Variants in RGS6 observed in about 807,000 individuals in gnomAD.
RGS6 encodes regulator of G protein signaling 6, also known as regulator of G-protein signaling 6.
RGS6 carries 30 observed loss-of-function variants against 78.5 expected under a neutral mutation model. The ratio of observed to expected loss-of-function variants is 0.38; its 90% CI spans 0.29 to 0.52. RGS6 has a LOEUF of 0.52. RGS6 is among the 20% of genes least tolerant of loss of function. The probability of loss-of-function intolerance (pLI) is 0.85; values close to 1 mark genes in which losing one functional copy is unlikely to be tolerated. For synonymous variants in RGS6, 206 were observed against 206.0 expected, an observed-to-expected ratio of 1.00 and a Z score of 0.00; for missense variants, 495 against 609.7, an observed-to-expected ratio of 0.81 and a Z score of 1.98.
intron 2 of RGS6, among the ~76,000 whole-genome samples, chr14:72,002,663 A>G (rs545348943): frequency 6.6e-6 from 1 of 152,038 alleles, no homozygotes; most frequent in Non-Finnish European, 1.5e-5. Context: ...ATGATTATGG[A>G]GGAGGCTGCA....
rs537629581 is a variant in RGS6 at position 72,144,576 on chromosome 14, T to G, written c.84+179701T>G. Among the ~76,000 whole-genome samples the G allele has an allele frequency of 1.3e-4, 20 of 152,328 alleles. 2 individuals are homozygous for G. The South Asian group carries it at 3.5e-3, about 27-fold the overall frequency. ...TATTCGTATTTATCGAAAATCTATT[T>G]GGAGCAAGGTATTACATTTAAAGAC... On this transcript the variant is annotated intron_variant, in intron 2 of 17. Transcript: ENST00000553525.
intron 15 of RGS6, among the ~76,000 whole-genome samples, chr14:72,533,832 G>A (rs1336213731): frequency 1.3e-5 from 2 of 152,230 alleles, no homozygotes; most frequent in African/African-American, 4.8e-5. Context: ...TGAATGAGGA[G>A]TTGCTTCCTA....
chr14:72,444,510 C>CT (rs1237315953), intron 3 of RGS6, among the ~76,000 whole-genome samples: 1 of 152,156 alleles, frequency 6.6e-6, no homozygotes, highest in Non-Finnish European at 1.5e-5. Context: ...TTTATCTTGG[C>CT]TTTTTCAAGC....
At chr14:72,335,598 A>G (rs544237791) in intron 2 of RGS6, among the ~76,000 whole-genome samples, 2 of 152,314 alleles carry the variant, frequency 1.3e-5, no homozygotes, top group African/African-American at 4.8e-5. Context: ...TTGTAGAACA[A>G]GCACACTGTT....
chr14:72,384,564 A>G (rs927215154), intron 3 of RGS6, among the ~76,000 whole-genome samples: 6 of 152,128 alleles, frequency 3.9e-5, no homozygotes, highest in Admixed American at 2.0e-4. Context: ...GGCTGTTGTC[A>G]GTAAAGAGAG....
chr14:72,316,931 G>GTT (rs1567736491), intron 2 of RGS6, among the ~76,000 whole-genome samples: 2 of 151,332 alleles, frequency 1.3e-5, no homozygotes, highest in Non-Finnish European at 2.9e-5. Flanking sequence ...GTGTGTGTGT[G>GTT]TGTGTATTTC....
intron 3 of RGS6, among the ~76,000 whole-genome samples, chr14:72,420,626 A>G (rs537507741): frequency 6.6e-6 from 1 of 152,110 alleles, no homozygotes; most frequent in South Asian, 2.1e-4. Context: ...TAACATATTA[A>G]TATTTAATTC....
At chr14:72,282,513 C>T (rs2061751195) in intron 2 of RGS6, among the ~76,000 whole-genome samples, 1 of 152,180 alleles carries the variant, frequency 6.6e-6, no homozygotes, top group African/African-American at 2.4e-5. Flanking sequence ...CAGTGGCAAC[C>T]CGTCCACCCC....
intron 14 of RGS6, among the ~76,000 whole-genome samples, chr14:72,512,723 G>A (rs1279269725): frequency 6.6e-6 from 1 of 152,242 alleles, no homozygotes; most frequent in African/African-American, 2.4e-5. Flanking sequence ...CTGGATACAT[G>A]GTGGGTGAGA....
chr14:72,324,061 G>A (rs759884940), intron 2 of RGS6, among the ~76,000 whole-genome samples: 3 of 151,690 alleles, frequency 2.0e-5, no homozygotes, highest in East Asian at 1.9e-4. Flanking sequence ...GTACTCTCTC[G>A]TTATTCTAAA....
chr14:72,521,727 G>A (rs2097045161), intron 15 of RGS6, among the ~76,000 whole-genome samples: 1 of 152,086 alleles, frequency 6.6e-6, no homozygotes, highest in African/African-American at 2.4e-5. Flanking sequence ...TTCCTTTCTA[G>A]CAGAGTGACC....
chr14:72,424,341 G>T (rs2094340424), intron 3 of RGS6, among the ~76,000 whole-genome samples: 2 of 152,148 alleles, frequency 1.3e-5, no homozygotes, highest in Non-Finnish European at 2.9e-5. Context: ...AAAAATGCAG[G>T]ATTCAAAGAA....
intron 3 of RGS6, among the ~76,000 whole-genome samples, chr14:72,371,027 T>C (rs1391468712): frequency 1.3e-5 from 2 of 152,212 alleles, no homozygotes; most frequent in African/African-American, 2.4e-5. Flanking sequence ...CAAAAACATT[T>C]GTAGCACAGC....
intron 17 of RGS6, among the ~76,000 whole-genome samples, chr14:72,548,327 TTGTG>T (rs369257899): frequency 4.1e-5 from 6 of 147,158 alleles, no homozygotes; most frequent in Non-Finnish European, 7.5e-5. Flanking sequence ...CAGATCATAT[TTGTG>T]TGTGTGTGTG....
rs180820907 is a variant in RGS6, at chr14:72,130,796, G to T, written c.84+165921G>T. Among the ~76,000 whole-genome samples the T allele has an allele frequency of 7.2e-5, 11 of 152,300 alleles. No individual in the cohort carries two copies. The East Asian group carries it at 1.9e-3, about 27-fold the overall frequency. ...CATGTTTATCCCACTTTCCCCTAGA[G>T]CAGGTTTCTGGAAAGCTAATGCTAT... On this transcript the variant is annotated intron_variant, in intron 2 of 17. Coordinates refer to ENST00000553525, the MANE Select transcript of RGS6 (RefSeq NM_001204424.2).
chr14:72,011,433 GC>G (rs2085688480), intron 2 of RGS6, among the ~76,000 whole-genome samples: 1 of 152,038 alleles, frequency 6.6e-6, no homozygotes, highest in Admixed American at 6.6e-5. Flanking sequence ...ACCTGCTCTT[GC>G]TTTCCTGCCT....
intron 2 of RGS6, among the ~76,000 whole-genome samples, chr14:72,236,063 G>A (rs996352278): frequency 2.6e-5 from 4 of 152,198 alleles, no homozygotes; most frequent in Admixed American, 1.3e-4. Flanking sequence ...TACAGCAGCT[G>A]TGTTTATCAC....
the RGS6 span, among the ~76,000 whole-genome samples, chr14:72,576,320 AT>A: frequency 1.3e-5 from 2 of 152,282 alleles, no homozygotes; most frequent in African/African-American, 4.8e-5. Context: ...ACAAGATTGT[AT>A]TTTTCTCCTC....
At chr14:72,003,575 G>GT (rs201949678) in intron 2 of RGS6, among the ~76,000 whole-genome samples, 2,354 of 151,938 alleles carry the variant, frequency 0.015, 50 homozygotes, top group African/African-American at 0.052. Context: ...TGTTTAGTCT[G>GT]TTTTTTTTCA....
Sources: gnomAD v4.1 joint callset for allele counts (sites outside exome capture counted in the v4.1 genomes callset) on GRCh38, gnomAD v4.1.1 for gene constraint, MANE v1.5 for transcripts, NCBI Gene and HGNC (gene_info 2026-07-23, HGNC 2026-07-21) for gene names.